Variants in VAT1L observed in about 807,000 individuals in gnomAD.
The protein encoded by VAT1L is putative NADPH-dependent quinone oxidoreductase VAT1L.
VAT1L carries 34 observed loss-of-function variants against 44.1 expected under a neutral mutation model. The ratio of observed to expected loss-of-function variants is 0.77; its 90% confidence interval spans 0.59 to 1.03. The LOEUF (loss-of-function observed/expected upper bound fraction) is 1.03, where lower values mean the gene tolerates loss of function less well. Ranked by LOEUF, VAT1L falls within the 50% of genes least tolerant of loss-of-function variation. VAT1L has a pLI of 0.00. For missense variants in VAT1L, 615 were observed against 538.8 expected, an observed-to-expected ratio of 1.14 and a Z score of -1.40; for synonymous variants, 253 against 202.2, an observed-to-expected ratio of 1.25 and a Z score of -2.13.
At chr16:77,904,115 C>G (rs568956934) in intron 7 of VAT1L, among the ~76,000 whole-genome samples, 324 of 152,018 alleles carry the variant, frequency 2.1e-3, no homozygotes, top group Non-Finnish European at 3.6e-3. Context: ...ACCATATTCC[C>G]CCATCAAAAG....
At chr16:77,902,008 C>T (rs1164234225) in intron 7 of VAT1L, among the ~76,000 whole-genome samples, 1 of 152,212 alleles carries the variant, frequency 6.6e-6, no homozygotes, top group African/African-American at 2.4e-5. Flanking sequence ...CACCATTTTC[C>T]TAACTCTGAT....
In VAT1L at chr16:77,902,414, T is replaced by G. The variant is rs371300151; in HGVS notation, c.1077+17612T>G. 6.6e-4 allele frequency among the ~76,000 whole-genome samples: 101 copies of G among 152,358 alleles called. 2 individuals are homozygous for G. The South Asian group carries it at 0.021, about 31-fold the overall frequency. On this transcript the variant is annotated intron_variant, in intron 7 of 8. Transcript: ENST00000302536. ...ATTTGATGAAATTCAGCAGCTATTT[T>G]TTATTCAGTCACTAAGTATTCTTCT...
intron 7 of VAT1L, among the ~76,000 whole-genome samples, chr16:77,890,727 A>C (rs1384008163): frequency 2.0e-5 from 3 of 151,036 alleles, no homozygotes; most frequent in Non-Finnish European, 4.4e-5. Flanking sequence ...GTTCAAGACC[A>C]GCCTGAGCAA....
chr16:77,879,094 C>A lies in VAT1L; in HGVS notation c.827-75C>A. 6.7e-7 allele frequency: 1 copy of A among 1,489,610 alleles called. No homozygotes were observed. Among genetic ancestry groups the A allele is most frequent in the East Asian group, 2.3e-5 (1 of 44,062 alleles). The allele number at this position is 1,489,610 out of a possible 1,614,324, so 92.3% of individuals were successfully genotyped here. A position where few individuals can be genotyped will look rare whatever the true frequency, so the allele number is the denominator to read the frequency against. On this transcript the variant is annotated intron_variant, in intron 5 of 8. Transcript: ENST00000302536. This position sits in a 1 kb window ranked among gnomAD's most constrained non-coding sequence, Gnocchi z 4.1. Reference sequence around the variant, plus strand: ...TCTCCAGTTCCGGACCAAACAATTGCCATTTTTTTCATGCATAACAAGAGA... The same window carrying A: ...TCTCCAGTTCCGGACCAAACAATTGACATTTTTTTCATGCATAACAAGAGA...
intron 2 of VAT1L, among the ~76,000 whole-genome samples, chr16:77,820,345 G>T (rs954209235): frequency 1.3e-5 from 2 of 152,154 alleles, no homozygotes; most frequent in Non-Finnish European, 2.9e-5. Flanking sequence ...GCTACTTCCA[G>T]CTAGATGAAC....
In VAT1L at chr16:77,824,530, C is replaced by T. The variant is rs545455555; in HGVS notation, c.364-716C>T. ...CAGCACTTTGGGAGGTCGAGACAGG[C>T]GGATCATGGGGTCAGGAGATCGAGA... On this transcript the variant is annotated intron_variant, in intron 2 of 8. Coordinates refer to ENST00000302536, the MANE Select transcript of VAT1L (RefSeq NM_020927.3). Among the ~76,000 whole-genome samples the T allele has an allele frequency of 1.3e-4, 20 of 152,020 alleles. 1 individual carries two copies. The East Asian group carries it at 2.9e-3, about 22-fold the overall frequency.
chr16:77,899,296 T>G (rs941469232), intron 7 of VAT1L, among the ~76,000 whole-genome samples: 14 of 152,138 alleles, frequency 9.2e-5, no homozygotes, highest in Non-Finnish European at 2.1e-4. Context: ...CTCAACCCCC[T>G]CCAGGAGCGG....
At chr16:77,916,845 C>T (rs971855717) in intron 7 of VAT1L, among the ~76,000 whole-genome samples, 6 of 151,442 alleles carry the variant, frequency 4.0e-5, no homozygotes, top group African/African-American at 1.5e-4. Context: ...CAAAGCAACC[C>T]CTGTCATTCT....
In VAT1L at chr16:77,869,265, G is replaced by C. The variant is rs142598279; in HGVS notation, c.722+6375G>C. 1.1e-4 allele frequency among the ~76,000 whole-genome samples: 16 copies of C among 152,302 alleles called. No homozygotes were observed. The East Asian group carries it at 2.9e-3, about 28-fold the overall frequency. On this transcript the variant is annotated intron_variant, in intron 4 of 8. Transcript: ENST00000302536. ...CCTTTTTGTTGTTGTTAGACAATGA[G>C]GAATGGAGCTGTAATGACTTCCTTT...
intron 2 of VAT1L, among the ~76,000 whole-genome samples, chr16:77,817,771 C>G (rs2016381290): frequency 6.6e-6 from 1 of 152,100 alleles, no homozygotes; most frequent in Non-Finnish European, 1.5e-5. Flanking sequence ...AGAAACCAGT[C>G]TATAAAAACT....
intron 7 of VAT1L, among the ~76,000 whole-genome samples, chr16:77,921,433 C>T (rs1160605913): frequency 1.3e-5 from 2 of 152,172 alleles, no homozygotes; most frequent in African/African-American, 2.4e-5. Flanking sequence ...GGAAGAAATA[C>T]ATCCAGTGGG....
chr16:77,816,551 C>T (rs1284755734), intron 1 of VAT1L, among the ~76,000 whole-genome samples: 2 of 152,056 alleles, frequency 1.3e-5, no homozygotes, highest in African/African-American at 4.8e-5. Flanking sequence ...AATCTTTTAC[C>T]TTTGATTAAG....
chr16:77,871,138 A>G (rs1239553071), intron 4 of VAT1L, among the ~76,000 whole-genome samples: 6 of 152,190 alleles, frequency 3.9e-5, no homozygotes, highest in Non-Finnish European at 7.3e-5. Flanking sequence ...ATGGTTTGAC[A>G]GAAAGAGCAA....
At chr16:77,839,535 CAAAAAAAAAAAAAAAAA>C (rs71137846) in intron 3 of VAT1L, among the ~76,000 whole-genome samples, 1,311 of 49,172 alleles carry the variant, frequency 0.027, 27 homozygotes, top group Middle Eastern at 0.079. Flanking sequence ...TACTCCATAT[CAAAAAAAAAAAAAAAAA>C]AAAAAAAAAA....
chr16:77,824,247 C>T (rs2016492742), intron 2 of VAT1L, among the ~76,000 whole-genome samples: 1 of 152,148 alleles, frequency 6.6e-6, no homozygotes, highest in East Asian at 1.9e-4. Context: ...AGGACTTTCA[C>T]TACCACCTAA....
At chr16:77,921,920 T>A (rs1350341877) in intron 7 of VAT1L, among the ~76,000 whole-genome samples, 2 of 151,340 alleles carry the variant, frequency 1.3e-5, no homozygotes, top group South Asian at 2.1e-4. Flanking sequence ...ATTTTTATAA[T>A]TTTTTTTTAT....
chr16:77,948,852 A>C (rs566168693), intron 7 of VAT1L, among the ~76,000 whole-genome samples: 5 of 152,292 alleles, frequency 3.3e-5, no homozygotes, highest in African/African-American at 1.2e-4. Flanking sequence ...TAATTATGGT[A>C]CATTCCTCAT....
At chr16:77,813,971 A>G (rs1267035684) in intron 1 of VAT1L, among the ~76,000 whole-genome samples, 4 of 152,156 alleles carry the variant, frequency 2.6e-5, no homozygotes, top group Non-Finnish European at 5.9e-5. Context: ...GGTAGAGTGT[A>G]TTGCCTAAGG....
Position 77,977,622 on chromosome 16 carries a change from G to A in VAT1L, c.1187G>A (p.Ser396Asn). ...ATGGCCAATGACAGCACAGAGACCAGTGAAGCAGGGGAAGAGGAGGAGGAC... is the reference window on the plus strand; with the variant it reads ...ATGGCCAATGACAGCACAGAGACCAATGAAGCAGGGGAAGAGGAGGAGGAC... ...PLMANDSTETSEAGEEEEDHE... is the reference protein window; with the variant it reads ...PLMANDSTETNEAGEEEEDHE... The change falls in exon 9 of 9, where the codon AGT becomes AAT. Residue 396 changes from serine (S) to asparagine (N), a missense_variant. Transcript: ENST00000302536. 1 of 1,614,118 alleles carries A rather than the reference G, an allele frequency of 6.2e-7. No individual in the cohort carries two copies. Among genetic ancestry groups the A allele is most frequent in the Non-Finnish European group, 8.5e-7 (1 of 1,179,994 alleles).
Sources: gnomAD v4.1 joint callset for allele counts (sites outside exome capture counted in the v4.1 genomes callset) on GRCh38, gnomAD v4.1.1 for gene constraint, Gnocchi (gnomAD v3.1) non-coding constraint, MANE v1.5 for transcripts, NCBI Gene and HGNC (gene_info 2026-07-23, HGNC 2026-07-21) for gene names.